Variants in RBMS1 observed in about 807,000 individuals in gnomAD.
RBMS1 encodes RNA binding motif single stranded interacting protein 1.
RBMS1 carries 17 observed loss-of-function variants against 62.3 expected under a neutral mutation model. The ratio of observed to expected loss-of-function variants is 0.27; its 90% confidence interval spans 0.19 to 0.41. The LOEUF is 0.41. RBMS1 is among the 10% of genes least tolerant of loss of function. RBMS1 has a pLI of 1.00. For synonymous variants in RBMS1, 172 were observed against 170.0 expected (o/e 1.01, Z -0.09); for missense variants, 334 against 504.5 (o/e 0.66, Z 3.24).
At chr2:160,440,082 G>C (rs1322956311) in intron 1 of RBMS1, among the ~76,000 whole-genome samples, 1 of 122,872 alleles carries the variant, frequency 8.1e-6, no homozygotes, top group Non-Finnish European at 1.8e-5. Flanking sequence ...GAGGGGAGAG[G>C]GGAGAGGGGA....
rs149487483 is a variant in RBMS1 at position 160,293,763 on chromosome 2, C to T, written c.641-6679G>A. Reference sequence around the variant, plus strand: ...CTCTAGGATAGTTCCAGCTCACATGCCATACGCATTAGTCTTCTCAAAGAC... The same window carrying T: ...CTCTAGGATAGTTCCAGCTCACATGTCATACGCATTAGTCTTCTCAAAGAC... On this transcript the variant is annotated intron_variant, in intron 6 of 13. Transcript: ENST00000348849. Among the ~76,000 whole-genome samples, 3 of 152,218 alleles carry T rather than the reference C, an allele frequency of 2.0e-5. No individual in the cohort carries two copies. In the East Asian group the frequency reaches 5.8e-4, roughly 29 times the overall value.
chr2:160,453,538 C>G (rs1477021983), intron 1 of RBMS1, among the ~76,000 whole-genome samples: 2 of 152,190 alleles, frequency 1.3e-5, no homozygotes, highest in East Asian at 1.9e-4. Context: ...CTTTCTCTCC[C>G]CATAACAACC....
At chr2:160,446,282 T>A (rs954197885) in intron 1 of RBMS1, among the ~76,000 whole-genome samples, 2 of 152,172 alleles carry the variant, frequency 1.3e-5, no homozygotes, top group Non-Finnish European at 2.9e-5. Context: ...TAAGAACCAG[T>A]CTATTTGAAC....
At chr2:160,428,071 A>G (rs1451186434) in intron 1 of RBMS1, among the ~76,000 whole-genome samples, 3 of 152,112 alleles carry the variant, frequency 2.0e-5, no homozygotes, top group South Asian at 2.1e-4. Context: ...CGAGATGGCT[A>G]TAAGACTTTC....
At chr2:160,405,501 C>T (rs1319544382) in intron 1 of RBMS1, among the ~76,000 whole-genome samples, 10 of 152,168 alleles carry the variant, frequency 6.6e-5, no homozygotes, top group African/African-American at 2.4e-4. Context: ...ACCAGGTCCC[C>T]GCGCTGGAAG....
intron 1 of RBMS1, among the ~76,000 whole-genome samples, chr2:160,400,149 T>C (rs913614397): frequency 6.6e-6 from 1 of 152,200 alleles, no homozygotes; most frequent in South Asian, 2.1e-4. Context: ...CACTAACAGC[T>C]GCTTCTACAA....
At position 160,493,444 on chromosome 2, in the gene RBMS1, CCGGCGGCGGCGGCAG is replaced by C. The variant is rs1160180085; in HGVS notation, c.-96_-82del. The C allele has an allele frequency of 9.7e-4, 1,370 of 1,410,522 alleles. 1 individual carries two copies. Among genetic ancestry groups the C allele is most frequent in the Non-Finnish European group, 1.2e-3 (1,226 of 1,007,482 alleles). The allele number at this position is 1,410,522 out of a possible 1,614,324, so 87.4% of individuals were successfully genotyped here. A position where few individuals can be genotyped will look rare whatever the true frequency, so the allele number is the denominator to read the frequency against. ...CTCGGGCTCTCCTGCCTCTCCCTTT[CCGGCGGCGGCGGCAG>C]CGGCGGCGGCGGCGGCGGCTGCTGC... On this transcript the variant is annotated 5_prime_UTR_variant, in exon 1 of 14. Coordinates refer to ENST00000348849, the MANE Select transcript of RBMS1 (RefSeq NM_016836.4).
rs192075378 is a variant in RBMS1, at chr2:160,399,467, T to G, written c.76-32076A>C. Among the ~76,000 whole-genome samples, 31 of 152,186 alleles carry G rather than the reference T, an allele frequency of 2.0e-4. No homozygotes were observed. The East Asian group carries it at 5.6e-3, about 27-fold the overall frequency. Reference sequence around the variant, plus strand: ...TTTCCCTGCCCAGTTTCTCCCCTAATGTGCACCAGTATTATCTCCTGCATG... The same window carrying G: ...TTTCCCTGCCCAGTTTCTCCCCTAAGGTGCACCAGTATTATCTCCTGCATG... On this transcript the variant is annotated intron_variant, in intron 1 of 13. Coordinates refer to ENST00000348849, the MANE Select transcript of RBMS1 (RefSeq NM_016836.4).
At chr2:160,343,655 C>T (rs1012290007) in intron 2 of RBMS1, among the ~76,000 whole-genome samples, 2 of 151,992 alleles carry the variant, frequency 1.3e-5, no homozygotes, top group Non-Finnish European at 2.9e-5. Context: ...GGAGTAAAGA[C>T]GATATAAAAT....
chr2:160,282,832 A>T (rs1688174792), intron 9 of RBMS1: 1 of 153,180 alleles, frequency 6.5e-6, no homozygotes, highest in Non-Finnish European at 1.5e-5. Context: ...AAACAACTTA[A>T]GGAGTCACAG....
At chr2:160,471,716 T>TATATATATATATATATATATATATAAAA (rs371634389) in intron 1 of RBMS1, among the ~76,000 whole-genome samples, 3 of 76,234 alleles carry the variant, frequency 3.9e-5, no homozygotes, top group African/African-American at 8.9e-5. Flanking sequence ...TATATATATA[T>TATATATATATATATATATATATATAAAA]AACCTTTCAT....
intron 4 of RBMS1, among the ~76,000 whole-genome samples, chr2:160,309,412 T>G (rs1574256136): frequency 6.6e-6 from 1 of 152,150 alleles, no homozygotes; most frequent in Admixed American, 6.5e-5. Context: ...GGCTGGGAAG[T>G]AACTCTCTCC....
chr2:160,429,380 A>G (rs1389657436), intron 1 of RBMS1, among the ~76,000 whole-genome samples: 7 of 152,220 alleles, frequency 4.6e-5, no homozygotes, highest in Admixed American at 2.6e-4. Context: ...GTTGTTATAC[A>G]TGTCAGCCAT....
At chr2:160,318,741 G>C (rs567184399) in intron 2 of RBMS1, among the ~76,000 whole-genome samples, 1 of 152,162 alleles carries the variant, frequency 6.6e-6, no homozygotes, top group African/African-American at 2.4e-5. Context: ...AGGTGTGTGC[G>C]CATGTTTATG....
chr2:160,482,958 C>T (rs1198918238), intron 1 of RBMS1, among the ~76,000 whole-genome samples: 1 of 151,982 alleles, frequency 6.6e-6, no homozygotes, highest in Non-Finnish European at 1.5e-5. Context: ...TGAAGAACAT[C>T]CTGTACTGCT....
At chr2:160,392,734 A>C (rs1694932363) in intron 1 of RBMS1, among the ~76,000 whole-genome samples, 1 of 152,122 alleles carries the variant, frequency 6.6e-6, no homozygotes, top group Non-Finnish European at 1.5e-5. Context: ...TCTACAAAAA[A>C]TTAAAAAATT....
At chr2:160,473,321 A>G (rs561548791) in intron 1 of RBMS1, among the ~76,000 whole-genome samples, 1 of 152,390 alleles carries the variant, frequency 6.6e-6, no homozygotes, top group East Asian at 1.9e-4. Flanking sequence ...GGCTAGAAAT[A>G]GAATAGAATA....
intron 2 of RBMS1, among the ~76,000 whole-genome samples, chr2:160,361,275 T>C (rs1693113377): frequency 6.6e-6 from 1 of 152,224 alleles, no homozygotes; most frequent in South Asian, 2.1e-4. Context: ...ATACCCGGCC[T>C]TGGCCAACAG....
intron 1 of RBMS1, among the ~76,000 whole-genome samples, chr2:160,370,695 G>A (rs1360413019): frequency 6.6e-6 from 1 of 152,196 alleles, no homozygotes; most frequent in African/African-American, 2.4e-5. Flanking sequence ...AGTACTCTAC[G>A]TGGGACCCCA....
Sources: gnomAD v4.1 joint callset for allele counts (sites outside exome capture counted in the v4.1 genomes callset) on GRCh38, gnomAD v4.1.1 for gene constraint, MANE v1.5 for transcripts, NCBI Gene and HGNC (gene_info 2026-07-23, HGNC 2026-07-21) for gene names.